Variants in CNOT1 observed in about 807,000 individuals in gnomAD.
The protein encoded by CNOT1 is CCR4-NOT transcription complex subunit 1.
CNOT1 carries 15 observed loss-of-function variants against 273.8 expected under a neutral mutation model. The observed-to-expected ratio is 0.05, with a 90% CI of 0.04 to 0.08. The LOEUF is 0.08. Among genes scored for constraint, CNOT1 ranks in the 10% least tolerant of loss-of-function variants. The pLI is 1.00. For missense variants in CNOT1, 1,644 were observed against 2,912.2 expected, an observed-to-expected ratio of 0.56 and a Z score of 10.02; for synonymous variants, 1,022 against 1,005.5, an observed-to-expected ratio of 1.02 and a Z score of -0.31.
chr16:58,542,847 T>A (rs1305804494), intron 31 of CNOT1, among the ~76,000 whole-genome samples: 3 of 152,138 alleles, frequency 2.0e-5, no homozygotes, highest in African/African-American at 7.2e-5. Context: ...TCCCAGCACT[T>A]TGGGAGGCCA....
intron 16 of CNOT1, among the ~76,000 whole-genome samples, chr16:58,570,316 T>G (rs970558849): frequency 1.3e-5 from 2 of 152,100 alleles, no homozygotes; most frequent in Non-Finnish European, 2.9e-5. Context: ...CACAGGTAAA[T>G]ACAAAGGACA....
intron 1 of CNOT1, among the ~76,000 whole-genome samples, chr16:58,616,822 T>C (rs1219108129): frequency 6.6e-6 from 1 of 152,140 alleles, no homozygotes; most frequent in African/African-American, 2.4e-5. Context: ...TTATTTCCTT[T>C]CCCCCATGTA....
chr16:58,573,036 G>A (rs561419436), intron 16 of CNOT1, among the ~76,000 whole-genome samples: 186 of 152,124 alleles, frequency 1.2e-3, no homozygotes, highest in African/African-American at 4.1e-3. Flanking sequence ...GCCAGGCGTA[G>A]TGGTTCACAC....
chr16:58,616,743 T>C (rs1597608964), intron 1 of CNOT1, among the ~76,000 whole-genome samples: 1 of 152,174 alleles, frequency 6.6e-6, no homozygotes, highest in East Asian at 1.9e-4. Flanking sequence ...TTTTTTTCAA[T>C]AATACAGTGT....
chr16:58,526,817 CAAAAAAAAAAAAA>C (rs58419483), intron 44 of CNOT1, among the ~76,000 whole-genome samples: 3 of 88,152 alleles, frequency 3.4e-5, no homozygotes, highest in African/African-American at 1.2e-4. Context: ...AACTCCGTCT[CAAAAAAAAAAAAA>C]AAAAAAAAAA....
chr16:58,596,887 CAAAAAAAAAAAAAAAA>C (rs58567423), intron 2 of CNOT1, among the ~76,000 whole-genome samples: 6 of 69,986 alleles, frequency 8.6e-5, no homozygotes, highest in Admixed American at 2.1e-4. Context: ...GACTCCGTCT[CAAAAAAAAAAAAAAAA>C]AAAAAAAAAA....
At chr16:58,525,514 C>CA in intron 45 of CNOT1, 155 bp from the exon 46 acceptor site, 1 of 646,656 alleles carries the variant, frequency 1.5e-6, no homozygotes, top group South Asian at 2.0e-5. Flanking sequence ...AACAAACACA[C>CA]AGATGCTCCA....
chr16:58,538,636 CCT>C, intron 36 of CNOT1, 134 bp downstream of exon 36: 1 of 1,314,452 alleles, frequency 7.6e-7, no homozygotes, highest in Non-Finnish European at 1.0e-6. Flanking sequence ...ACAATTCTCA[CCT>C]CTCAGAAGTA....
At position 58,543,590 on chromosome 16, in the gene CNOT1, G is replaced by A; in HGVS notation, c.4434+17C>T. 1 of 1,614,096 alleles carries A rather than the reference G, an allele frequency of 6.2e-7. No individual in the cohort carries two copies. Among genetic ancestry groups the A allele is most frequent in the Non-Finnish European group, 8.5e-7 (1 of 1,180,020 alleles). On this transcript the variant is annotated intron_variant, in intron 31 of 48. Transcript: ENST00000317147. ...GTAATACGTTTTGTACCTATACCAA[G>A]GAAATAGCCAACTTACACGAAGGGC...
chr16:58,610,646 ATCCT>A (rs1597594171), intron 1 of CNOT1, among the ~76,000 whole-genome samples: 1 of 152,084 alleles, frequency 6.6e-6, no homozygotes, highest in East Asian at 1.9e-4. Context: ...GATCGAAACC[ATCCT>A]GGCTAACACA....
At position 58,576,478 on chromosome 16, in the gene CNOT1, C is replaced by T; in HGVS notation, c.1689G>A (p.Val563=). The T allele has an allele frequency of 6.2e-7, 1 of 1,614,072 alleles. No individual in the cohort carries two copies. The highest frequency in any genetic ancestry group is 1.3e-5 in the African/African-American group (1 of 75,026). The change falls in exon 14 of 49, where the codon GTG becomes GTA. Residue 563 remains valine, a synonymous_variant. Transcript: ENST00000317147. Reference sequence around the variant, plus strand: ...CTGAACTCACCTTCAAGTCCTGGGCCACATCAAGTATTCGAGACAATTTGG... The same window carrying T: ...CTGAACTCACCTTCAAGTCCTGGGCTACATCAAGTATTCGAGACAATTTGG... The part of the protein sequence containing the change: ...DQAKLSRILD[V]AQDLKALSML...
chr16:58,560,098 G>C, intron 17 of CNOT1, 114 bp downstream of exon 17: 1 of 1,532,456 alleles, frequency 6.5e-7, no homozygotes, highest in Non-Finnish European at 8.8e-7. Flanking sequence ...GTGGATGCTA[G>C]ACATGCAGTT....
chr16:58,617,314 T>C (rs1199526845), intron 1 of CNOT1, among the ~76,000 whole-genome samples: 2 of 151,982 alleles, frequency 1.3e-5, no homozygotes, highest in Non-Finnish European at 2.9e-5. Context: ...TGAGCCATGA[T>C]TGCACCACTG....
At chr16:58,522,933 A>G (rs2039454842) in intron 47 of CNOT1, 1 of 153,136 alleles carries the variant, frequency 6.5e-6, no homozygotes, top group African/African-American at 2.4e-5. Context: ...CATTTAACAC[A>G]TTATTGGACA....
intron 1 of CNOT1, chr16:58,624,523 G>C (rs988558949): frequency 1.3e-5 from 2 of 152,162 alleles, no homozygotes; most frequent in African/African-American, 4.8e-5. Flanking sequence ...AAATCACTGT[G>C]GGTGCGACGG....
intron 47 of CNOT1, among the ~76,000 whole-genome samples, chr16:58,521,757 G>A (rs1314745028): frequency 6.6e-6 from 1 of 152,086 alleles, no homozygotes; most frequent in South Asian, 2.1e-4. Context: ...TTCGAGACCA[G>A]CCTGGCCAAC....
At chr16:58,537,366 A>G (rs2039958674) in intron 38 of CNOT1, 146 bp from the exon 39 acceptor site, 1 of 1,247,384 alleles carries the variant, frequency 8.0e-7, no homozygotes, top group African/African-American at 1.5e-5. Flanking sequence ...ACAAAACTAT[A>G]CTTAGTCTCT....
intron 24 of CNOT1, among the ~76,000 whole-genome samples, chr16:58,550,688 C>A (rs1448146227): frequency 6.6e-6 from 1 of 152,102 alleles, no homozygotes; most frequent in Non-Finnish European, 1.5e-5. Context: ...AAAGTTATAA[C>A]AGGATTTGGC....
chr16:58,565,577 A>G (rs1021744917), intron 16 of CNOT1, among the ~76,000 whole-genome samples: 16 of 152,122 alleles, frequency 1.1e-4, no homozygotes, highest in African/African-American at 3.9e-4. Flanking sequence ...TTAAGTTGTC[A>G]CCTCTCTTCA....
Sources: allele counts gnomAD v4.1 joint callset (sites outside exome capture counted in the v4.1 genomes callset), GRCh38; gene constraint gnomAD v4.1.1; transcripts MANE v1.5; gene names NCBI Gene and HGNC (gene_info 2026-07-23, HGNC 2026-07-21).